Variants in ELMOD1 observed in about 807,000 individuals in gnomAD.
ELMOD1 encodes the protein ELMO domain-containing protein 1.
ELMOD1 carries 21 observed loss-of-function variants against 46.7 expected under a neutral mutation model. The ratio of observed to expected loss-of-function variants is 0.45; its 90% CI spans 0.32 to 0.65. ELMOD1 has a LOEUF of 0.65. Ranked by LOEUF, ELMOD1 falls within the 30% of genes least tolerant of loss-of-function variation. The pLI is 0.04. For missense variants in ELMOD1, 348 were observed against 407.8 expected (o/e 0.85, Z 1.26); for synonymous variants, 122 against 138.2 (o/e 0.88, Z 0.82).
intron 1 of ELMOD1, among the ~76,000 whole-genome samples, chr11:107,602,177 G>C (rs1865611535): frequency 6.6e-6 from 1 of 152,072 alleles, no homozygotes. Context: ...TTTTCTTTTT[G>C]CTTCTGTGTT....
At chr11:107,602,653 C>A (rs1229566360) in intron 1 of ELMOD1, among the ~76,000 whole-genome samples, 1 of 150,446 alleles carries the variant, frequency 6.6e-6, no homozygotes, top group African/African-American at 2.4e-5. Context: ...TAATATTTTT[C>A]TTTTATCTAT....
intron 11 of ELMOD1, among the ~76,000 whole-genome samples, chr11:107,664,751 CAA>C (rs34176983): frequency 0.23 from 34,510 of 151,838 alleles, 7,778 homozygotes; most frequent in African/African-American, 0.58. Context: ...GATTCATACT[CAA>C]GAGATGGCAG....
chr11:107,659,999 C>G (rs1317433384), intron 11 of ELMOD1, among the ~76,000 whole-genome samples: 3 of 152,044 alleles, frequency 2.0e-5, no homozygotes, highest in Non-Finnish European at 4.4e-5. Flanking sequence ...TTCCGAAGGC[C>G]CTCATCAGGT....
intron 1 of ELMOD1, among the ~76,000 whole-genome samples, chr11:107,613,273 A>G (rs1865809601): frequency 6.6e-6 from 1 of 152,228 alleles, no homozygotes. Flanking sequence ...AACTATGCTG[A>G]GTGCCTTACA....
chr11:107,644,917 T>TG lies in ELMOD1; in HGVS notation c.421-2551_421-2550insG, dbSNP rs1278527409. Among the ~76,000 whole-genome samples the TG allele has an allele frequency of 6.8e-5, 8 of 117,772 alleles. No individual in the cohort carries two copies. In the East Asian group the frequency reaches 8.2e-4, roughly 12 times the overall value. 77.3% of individuals were successfully genotyped at this position (117,772 alleles called of 152,430 possible). Reference sequence around the variant, plus strand: ...AATCAGTTCCTAAAGGGTTTTTGTTTTTGTTTTTGTTTTTGTTTTTGTTTT... The same window carrying TG: ...AATCAGTTCCTAAAGGGTTTTTGTTTGTTGTTTTTGTTTTTGTTTTTGTTTT... On this transcript the variant is annotated intron_variant, in intron 6 of 11. Coordinates refer to ENST00000265840, the MANE Select transcript of ELMOD1 (RefSeq NM_018712.4).
At chr11:107,628,209 C>G (rs1463019419) in intron 2 of ELMOD1, among the ~76,000 whole-genome samples, 1 of 151,972 alleles carries the variant, frequency 6.6e-6, no homozygotes, top group Non-Finnish European at 1.5e-5. Context: ...GCTCTGTCGC[C>G]AGGCTGGAGT....
At chr11:107,613,388 G>A (rs1591108283) in intron 1 of ELMOD1, among the ~76,000 whole-genome samples, 1 of 152,084 alleles carries the variant, frequency 6.6e-6, no homozygotes, top group Non-Finnish European at 1.5e-5. Context: ...CTGCCACTTG[G>A]CTAGTGGTAG....
At chr11:107,616,326 A>T (rs1865862626) in intron 1 of ELMOD1, among the ~76,000 whole-genome samples, 1 of 150,796 alleles carries the variant, frequency 6.6e-6, no homozygotes, top group South Asian at 2.1e-4. Flanking sequence ...TCCCCTATCC[A>T]CACTGTACTC....
chr11:107,662,865 TG>T (rs1375512787), intron 11 of ELMOD1, among the ~76,000 whole-genome samples: 1 of 151,914 alleles, frequency 6.6e-6, no homozygotes, highest in Non-Finnish European at 1.5e-5. Flanking sequence ...TGCTCCAGCC[TG>T]GGCAACAGAG....
At chr11:107,633,535 C>T (rs1186990574) in intron 5 of ELMOD1, among the ~76,000 whole-genome samples, 2 of 152,060 alleles carry the variant, frequency 1.3e-5, no homozygotes, top group African/African-American at 2.4e-5. Flanking sequence ...CGGGTTCAAG[C>T]GATTCTCCTG....
At chr11:107,637,570 G>A (rs1866250139) in intron 6 of ELMOD1, among the ~76,000 whole-genome samples, 1 of 152,138 alleles carries the variant, frequency 6.6e-6, no homozygotes, top group Non-Finnish European at 1.5e-5. Flanking sequence ...GCAGATGCCT[G>A]TAATCCCAGG....
At chr11:107,622,018 A>C (rs1865958538) in intron 2 of ELMOD1, among the ~76,000 whole-genome samples, 1 of 151,990 alleles carries the variant, frequency 6.6e-6, no homozygotes, top group African/African-American at 2.4e-5. Flanking sequence ...CAAGAGCAAA[A>C]CTCCATCTCA....
At chr11:107,630,023 A>G (rs999545356) in intron 2 of ELMOD1, among the ~76,000 whole-genome samples, 1 of 152,194 alleles carries the variant, frequency 6.6e-6, no homozygotes, top group Non-Finnish European at 1.5e-5. Context: ...GAGGCTGTTC[A>G]TGGAGGCAAA....
intron 1 of ELMOD1, among the ~76,000 whole-genome samples, chr11:107,594,187 C>T (rs544950838): frequency 6.6e-6 from 1 of 151,768 alleles, no homozygotes; most frequent in Non-Finnish European, 1.5e-5. Context: ...TTATGCTGGG[C>T]AGCTGTAGTC....
Position 107,594,363 on chromosome 11 carries a change from G to GT in ELMOD1, c.-86+2955dup, listed in dbSNP as rs570753489. ...CTGATAGCCTCAGTGAGAGGACAGAGTGGCCTGCTGAGAATGAGGGAAGGG... is the reference window on the plus strand; with the variant it reads ...CTGATAGCCTCAGTGAGAGGACAGAGTTGGCCTGCTGAGAATGAGGGAAGGG... On this transcript the variant is annotated intron_variant, in intron 1 of 11. Coordinates refer to ENST00000265840, the MANE Select transcript of ELMOD1 (RefSeq NM_018712.4). 5.3e-5 allele frequency among the ~76,000 whole-genome samples: 8 copies of GT among 152,272 alleles called. No individual in the cohort carries two copies. In the East Asian group the frequency reaches 1.4e-3, roughly 26 times the overall value.
At chr11:107,657,748 G>A (rs1866660026) in intron 11 of ELMOD1, among the ~76,000 whole-genome samples, 1 of 152,148 alleles carries the variant, frequency 6.6e-6, no homozygotes, top group South Asian at 2.1e-4. Context: ...AATCCTAAAG[G>A]AATAAATGGG....
intron 10 of ELMOD1, 94 bp from the exon 11 acceptor site, chr11:107,655,839 G>C (rs185860716): frequency 7.5e-7 from 1 of 1,327,792 alleles, no homozygotes; most frequent in South Asian, 1.4e-5. Context: ...GTACACTGTC[G>C]TGGCACTGGT....
chr11:107,663,872 G>A (rs1264407683), intron 11 of ELMOD1, among the ~76,000 whole-genome samples: 1 of 152,046 alleles, frequency 6.6e-6, no homozygotes, highest in Non-Finnish European at 1.5e-5. Context: ...ATGCATGCAG[G>A]TGGAAAAGCA....
In ELMOD1 at chr11:107,655,848, G is replaced by A. The variant is rs954396751; in HGVS notation, c.699-85G>A. On this transcript the variant is annotated intron_variant, in intron 10 of 11. Transcript: ENST00000265840. ...GCATTTGTACACTGTCGTGGCACTG[G>A]TAGGAGTGTCTTTTAGCATGCTAAT... The A allele has an allele frequency of 1.9e-5, 27 of 1,418,726 alleles. No individual in the cohort carries two copies. The African/African-American group carries it at 3.6e-4, about 19-fold the overall frequency. The allele number at this position is 1,418,726 out of a possible 1,614,324, so 87.9% of individuals were successfully genotyped here. A position where few individuals can be genotyped will look rare whatever the true frequency, so the allele number is the denominator to read the frequency against.
Sources: gnomAD v4.1 joint callset for allele counts (sites outside exome capture counted in the v4.1 genomes callset) on GRCh38, gnomAD v4.1.1 for gene constraint, MANE v1.5 for transcripts, NCBI Gene and HGNC (gene_info 2026-07-23, HGNC 2026-07-21) for gene names.